The following ABLIM2 variants were observed in gnomAD, a reference collection of about 807,000 sequenced individuals.
ABLIM2 encodes actin binding LIM protein family member 2.
A neutral mutation model predicts 97.7 loss-of-function variants in ABLIM2; 53 were observed. The observed-to-expected ratio is 0.54, with a 90% CI of 0.44 to 0.68. ABLIM2 has a LOEUF of 0.68. Among genes scored for constraint, ABLIM2 ranks in the 30% least tolerant of loss-of-function variants. The pLI, the probability that ABLIM2 is intolerant of heterozygous loss-of-function variation, is 0.00. For missense variants in ABLIM2, 835 were observed against 867.2 expected (o/e 0.96, Z 0.47); for synonymous variants, 361 against 345.8 (o/e 1.04, Z -0.49).
Position 8,082,574 on chromosome 4 carries a change from C to A in ABLIM2, c.455-1772G>T, listed in dbSNP as rs528888015. On this transcript the variant is annotated intron_variant, in intron 4 of 20. Coordinates refer to ENST00000447017, the MANE Select transcript of ABLIM2 (RefSeq NM_001130083.2). This position sits in a 1 kb window ranked among gnomAD's most constrained non-coding sequence, Gnocchi z 5.6. The stretch of plus-strand genomic sequence containing the variant: ...TTAAAACAAACGAACACTCACAAAG[C>A]CGTTGGTCAAGCTCAGGATTTCCTA... Among the ~76,000 whole-genome samples, 33 of 152,346 alleles carry A rather than the reference C, an allele frequency of 2.2e-4. No individual in the cohort carries two copies. Among genetic ancestry groups the A allele is most frequent in the African/African-American group, 7.2e-4 (30 of 41,574 alleles).
At chr4:7,968,285 C>G (rs73090365) in intron 20 of ABLIM2, among the ~76,000 whole-genome samples, 2,456 of 152,342 alleles carry the variant, frequency 0.016, 51 homozygotes, top group African/African-American at 0.055. Context: ...AGTTCTGCGA[C>G]ACACTCCACA....
At chr4:8,105,658 C>T (rs1487769166) in intron 2 of ABLIM2, among the ~76,000 whole-genome samples, 1 of 152,234 alleles carries the variant, frequency 6.6e-6, no homozygotes, top group African/African-American at 2.4e-5. Context: ...GGCCGTCATA[C>T]CGAACCCGCA....
rs34031101 is a variant in ABLIM2, at chr4:8,067,987, C to T, written c.676-6933G>A. On this transcript the variant is annotated intron_variant, in intron 6 of 20. Transcript: ENST00000447017. The surrounding 1 kb of genome is among the most constrained non-coding windows in gnomAD (Gnocchi z 5.4). ...CTGCTGAGAACCAGTGGGTCACAGGCGGCCATCGATGGGCTGATGGAGTCA... is the reference window on the plus strand; with the variant it reads ...CTGCTGAGAACCAGTGGGTCACAGGTGGCCATCGATGGGCTGATGGAGTCA... Among the ~76,000 whole-genome samples the T allele has an allele frequency of 0.13, 20,398 of 152,192 alleles. 1,689 individuals are homozygous for T. Among genetic ancestry groups the T allele is most frequent in the East Asian group, 0.2 (1,040 of 5,164 alleles).
rs185985860 is a variant in ABLIM2, at chr4:8,061,451, T to A, written c.676-397A>T. 6.6e-6 allele frequency among the ~76,000 whole-genome samples: 1 copy of A among 152,044 alleles called. No homozygotes were observed. The highest frequency in any genetic ancestry group is 2.4e-5 in the African/African-American group (1 of 41,460). On this transcript the variant is annotated intron_variant, in intron 6 of 20. Coordinates refer to ENST00000447017, the MANE Select transcript of ABLIM2 (RefSeq NM_001130083.2). The surrounding 1 kb of genome is among the most constrained non-coding windows in gnomAD (Gnocchi z 4.5). ...AGAGGGAGGGGAGGGAAAGATAATA[T>A]GATTTCCCTAGGTGCAAGAATTAGG...
intron 11 of ABLIM2, 148 bp downstream of exon 11, chr4:8,029,508 C>T (rs558899333): frequency 2.7e-6 from 3 of 1,106,802 alleles, no homozygotes; most frequent in South Asian, 4.3e-5. Context: ...CAGCCACCCA[C>T]CCGCTGGCAA....
intron 1 of ABLIM2, among the ~76,000 whole-genome samples, chr4:8,137,624 A>G (rs1238662598): frequency 2.6e-5 from 4 of 152,362 alleles, no homozygotes; most frequent in African/African-American, 4.8e-5. Context: ...AGAGGCAGCC[A>G]CGTCGCAGCC....
intron 3 of ABLIM2, among the ~76,000 whole-genome samples, chr4:8,089,306 C>A (rs551513235): frequency 6.6e-6 from 1 of 152,190 alleles, no homozygotes; most frequent in Non-Finnish European, 1.5e-5. Context: ...GCTGCCATGT[C>A]TGCCCTCGAC....
At chr4:8,144,296 A>G (rs1404854932) in intron 1 of ABLIM2, among the ~76,000 whole-genome samples, 1 of 152,234 alleles carries the variant, frequency 6.6e-6, no homozygotes, top group Non-Finnish European at 1.5e-5. Context: ...GCTGTGGGTC[A>G]CATTTTAAGG....
Position 8,155,396 on chromosome 4 carries a change from C to A in ABLIM2, c.10+3284G>T, listed in dbSNP as rs1279603970. 1.3e-5 allele frequency among the ~76,000 whole-genome samples: 2 copies of A among 152,204 alleles called. No homozygotes were observed. Among genetic ancestry groups the A allele is most frequent in the Non-Finnish European group, 2.9e-5 (2 of 68,028 alleles). On this transcript the variant is annotated intron_variant, in intron 1 of 20. Transcript: ENST00000447017. This position sits in a 1 kb window ranked among gnomAD's most constrained non-coding sequence, Gnocchi z 4.2. ...AGGTTCGGGCTCTGCCACATCCTCT[C>A]CTTGGCCCTGGACAGCTGCTTTTCC...
intron 9 of ABLIM2, among the ~76,000 whole-genome samples, chr4:8,039,884 T>G (rs1199253895): frequency 4.2e-5 from 6 of 142,990 alleles, no homozygotes; most frequent in South Asian, 4.3e-4. Context: ...GTTTTTTTTT[T>G]TTTTTTTTTT....
intron 6 of ABLIM2, among the ~76,000 whole-genome samples, chr4:8,074,182 G>A (rs1039908237): frequency 5.9e-5 from 9 of 151,690 alleles, no homozygotes; most frequent in Admixed American, 1.3e-4. Context: ...TGCAGGGTGC[G>A]GTGGCTCACA....
In ABLIM2 at chr4:8,067,161, C is replaced by T. The variant is rs1370074618; in HGVS notation, c.676-6107G>A. On this transcript the variant is annotated intron_variant, in intron 6 of 20. Coordinates refer to ENST00000447017, the MANE Select transcript of ABLIM2 (RefSeq NM_001130083.2). This position sits in a 1 kb window ranked among gnomAD's most constrained non-coding sequence, Gnocchi z 5.4. ...CCAAAGAAGGCAGGCTGGATGCTAC[C>T]TCCTGGGAAGACTCCATGGGCCATG... The T allele has an allele frequency of 6.6e-6, 1 of 152,244 alleles. No homozygotes were observed. The highest frequency in any genetic ancestry group is 1.5e-5 in the Non-Finnish European group (1 of 68,084). 9.4% of individuals were successfully genotyped at this position (152,244 alleles called of 1,614,324 possible).
At chr4:8,114,762 G>C (rs537451187) in intron 1 of ABLIM2, among the ~76,000 whole-genome samples, 13 of 150,910 alleles carry the variant, frequency 8.6e-5, no homozygotes, top group Admixed American at 2.0e-4. Flanking sequence ...TCCTTGCCAA[G>C]AGCTAGGCCA....
chr4:8,077,477 G>A (rs967828373), intron 6 of ABLIM2, 151 bp downstream of exon 6: 40 of 739,376 alleles, frequency 5.4e-5, no homozygotes, highest in Middle Eastern at 3.8e-4. Flanking sequence ...AGCTGATGAG[G>A]GTGTCCATTG....
At chr4:7,983,129 C>T (rs1332922319) in intron 20 of ABLIM2, 135 bp downstream of exon 20, 2 of 921,558 alleles carry the variant, frequency 2.2e-6, no homozygotes, top group Non-Finnish European at 3.4e-6. Flanking sequence ...GTGGGCCTGA[C>T]TCTGCATCAC....
rs1279049484 is a variant in ABLIM2 at position 8,083,796 on chromosome 4, GC to G, written c.455-2995del. On this transcript the variant is annotated intron_variant, in intron 4 of 20. Coordinates refer to ENST00000447017, the MANE Select transcript of ABLIM2 (RefSeq NM_001130083.2). This position sits in a 1 kb window ranked among gnomAD's most constrained non-coding sequence, Gnocchi z 4.6. ...ACCCCCCAATGTCAGCTGGCCACGT[GC>G]CCGTACATCCTGGTTGGCACTGCCA... is the stretch of plus-strand genomic sequence containing the variant. Among the ~76,000 whole-genome samples the G allele has an allele frequency of 6.6e-6, 1 of 152,228 alleles. No individual in the cohort carries two copies. The highest frequency in any genetic ancestry group is 1.5e-5 in the Non-Finnish European group (1 of 68,038).
In ABLIM2 at chr4:8,091,609, ATG is replaced by A. The variant is rs569330058; in HGVS notation, c.339-3327_339-3326del. On this transcript the variant is annotated intron_variant, in intron 3 of 20. Transcript: ENST00000447017. ...AATTATATATATAATTATATATATT[ATG>A]TATAATTTTATATAAAATTATATAT... Among the ~76,000 whole-genome samples, 16 of 43,002 alleles carry A rather than the reference ATG, an allele frequency of 3.7e-4. 3 individuals carry two copies. In the East Asian group the frequency reaches 0.014, roughly 38 times the overall value. 28.2% of individuals were successfully genotyped at this position (43,002 alleles called of 152,430 possible). A position where few individuals can be genotyped will look rare whatever the true frequency, so the allele number is the denominator to read the frequency against.
rs74875637 is a variant in ABLIM2 at position 8,096,284 on chromosome 4, C to G, written c.338+815G>C. ...CTGGACAAGTCCAGCTCCAGTGACT[C>G]CAATGCGACCAGGGCTGTCTGTTAT... On this transcript the variant is annotated intron_variant, in intron 3 of 20. Transcript: ENST00000447017. 7.3e-3 allele frequency among the ~76,000 whole-genome samples: 1,107 copies of G among 152,302 alleles called. 8 individuals are homozygous for G. Among genetic ancestry groups the G allele is most frequent in the African/African-American group, 0.023 (962 of 41,558 alleles).
In ABLIM2 at chr4:8,043,334, G is replaced by A. The variant is rs1269838307; in HGVS notation, c.900+1830C>T. On this transcript the variant is annotated intron_variant, in intron 9 of 20. Transcript: ENST00000447017. This position sits in a 1 kb window ranked among gnomAD's most constrained non-coding sequence, Gnocchi z 4.8. The stretch of plus-strand genomic sequence containing the variant: ...GGGTGAGGAAACAGACCATACCTTT[G>A]TGCGCCTACACAAACATGATCTCAT... Among the ~76,000 whole-genome samples the A allele has an allele frequency of 6.6e-6, 1 of 152,120 alleles. No homozygotes were observed. Among genetic ancestry groups the A allele is most frequent in the Non-Finnish European group, 1.5e-5 (1 of 68,034 alleles).
Sources: allele counts gnomAD v4.1 joint callset (sites outside exome capture counted in the v4.1 genomes callset), GRCh38; gene constraint gnomAD v4.1.1; non-coding constraint Gnocchi (gnomAD v3.1); transcripts MANE v1.5; gene names NCBI Gene and HGNC (gene_info 2026-07-23, HGNC 2026-07-21).